The following LARP4 variants were observed in gnomAD, a reference collection of about 807,000 sequenced individuals.
LARP4 encodes the protein La ribonucleoprotein 4, also known as la-related protein 4.
A neutral mutation model predicts 92.9 loss-of-function variants in LARP4; 29 were observed. The observed-to-expected ratio is 0.31, with a 90% CI of 0.23 to 0.43. LARP4 has a LOEUF of 0.43. Ranked by LOEUF, LARP4 falls within the 20% of genes least tolerant of loss-of-function variation. The pLI, the probability that LARP4 is intolerant of heterozygous loss-of-function variation, is 1.00. For synonymous variants in LARP4, 279 were observed against 284.1 expected, an observed-to-expected ratio of 0.98 and a Z score of 0.18; for missense variants, 732 against 860.0, an observed-to-expected ratio of 0.85 and a Z score of 1.86.
At chr12:50,433,473 T>C (rs1415778244) in intron 4 of LARP4, among the ~76,000 whole-genome samples, 1 of 152,108 alleles carries the variant, frequency 6.6e-6, no homozygotes, top group East Asian at 1.9e-4. Flanking sequence ...AGATGTTATA[T>C]CCATTAATTT....
intron 8 of LARP4, among the ~76,000 whole-genome samples, chr12:50,446,556 G>C (rs1454637647): frequency 6.7e-6 from 1 of 148,534 alleles, no homozygotes; most frequent in Non-Finnish European, 1.5e-5. Flanking sequence ...AGCCTCCCGA[G>C]TAGCTGGTAC....
intron 4 of LARP4, among the ~76,000 whole-genome samples, chr12:50,433,059 A>G (rs918604788): frequency 2.0e-5 from 3 of 152,056 alleles, no homozygotes; most frequent in Non-Finnish European, 4.4e-5. Flanking sequence ...GGTGGCTCCC[A>G]TAATTTCCAT....
chr12:50,463,230 A>G (rs1431242387), intron 12 of LARP4, among the ~76,000 whole-genome samples: 1 of 150,922 alleles, frequency 6.6e-6, no homozygotes, highest in African/African-American at 2.4e-5. Context: ...ACTTGAGGCT[A>G]CAGGCCCCAT....
intron 13 of LARP4, among the ~76,000 whole-genome samples, chr12:50,467,519 T>C (rs544421556): frequency 4.4e-4 from 67 of 152,212 alleles, no homozygotes; most frequent in Admixed American, 1.4e-3. Context: ...GCCAGGCTGG[T>C]CTCCAGCTCC....
chr12:50,468,062 C>T (rs1484987430), intron 13 of LARP4, among the ~76,000 whole-genome samples: 1 of 151,986 alleles, frequency 6.6e-6, no homozygotes, highest in African/African-American at 2.4e-5. Flanking sequence ...TCACTGCAAC[C>T]TCCACCTCCC....
chr12:50,461,374 T>C, intron 11 of LARP4, 27 bp downstream of exon 11: 1 of 1,583,050 alleles, frequency 6.3e-7, no homozygotes, highest in Non-Finnish European at 8.7e-7. Context: ...CCTGAAAACC[T>C]TTGATAATAA....
At chr12:50,409,288 C>T (rs1055158910) in intron 1 of LARP4, among the ~76,000 whole-genome samples, 1 of 152,092 alleles carries the variant, frequency 6.6e-6, no homozygotes, top group Non-Finnish European at 1.5e-5. Context: ...TCTCTGCTTC[C>T]TTATCTGTAA....
At position 50,475,793 on chromosome 12, in the gene LARP4, A is replaced by AG; in HGVS notation, c.2107dup (p.Ala703GlyfsTer10). 1 of 1,614,190 alleles carries AG rather than the reference A, an allele frequency of 6.2e-7. No individual in the cohort carries two copies. Among genetic ancestry groups the AG allele is most frequent in the Non-Finnish European group, 8.5e-7 (1 of 1,180,028 alleles). On this transcript the variant is annotated frameshift_variant, in exon 16 of 16. Coordinates refer to ENST00000398473, the MANE Select transcript of LARP4 (RefSeq NM_052879.5). LOFTEE classifies it high-confidence loss of function. Reference sequence around the variant, plus strand: ...GGAACAGAGACGCCAGTTTAGCCATAGGGCTATACCTCAGGGAGTGACTCG... The same window carrying AG: ...GGAACAGAGACGCCAGTTTAGCCATAGGGGCTATACCTCAGGGAGTGACTCG...
intron 1 of LARP4, among the ~76,000 whole-genome samples, chr12:50,414,701 A>G (rs1592808208): frequency 6.6e-6 from 1 of 152,226 alleles, no homozygotes; most frequent in South Asian, 2.1e-4. Flanking sequence ...TCACTGAACA[A>G]TATGCATTGG....
intron 1 of LARP4, among the ~76,000 whole-genome samples, chr12:50,421,992 T>C (rs536486663): frequency 6.6e-6 from 1 of 150,782 alleles, no homozygotes; most frequent in African/African-American, 2.4e-5. Flanking sequence ...TTTTTTGAGA[T>C]GGAGTCTTGC....
chr12:50,411,488 C>T (rs1323503532), intron 1 of LARP4, among the ~76,000 whole-genome samples: 1 of 151,492 alleles, frequency 6.6e-6, no homozygotes, highest in Non-Finnish European at 1.5e-5. Context: ...TGATTACAGA[C>T]GTGCACCACC....
At chr12:50,461,435 A>T in intron 11 of LARP4, 88 bp downstream of exon 11, 1 of 1,187,692 alleles carries the variant, frequency 8.4e-7, no homozygotes, top group African/African-American at 1.5e-5. Context: ...TAATTAAATG[A>T]GCATTTAATT....
rs1465536276 is a variant in LARP4, at chr12:50,478,406, T to G, written c.*2542T>G. On this transcript the variant is annotated 3_prime_UTR_variant, in exon 16 of 16. Transcript: ENST00000398473. ...TATTTTATTACAGCAGATTTAAAGT[T>G]TGTATCTAAATAATGCCTATGAGTT... 6.6e-6 allele frequency: 1 copy of G among 152,050 alleles called. No homozygotes were observed. The highest frequency in any genetic ancestry group is 2.4e-5 in the African/African-American group (1 of 41,428). 9.4% of individuals were successfully genotyped at this position (152,050 alleles called of 1,614,324 possible).
At chr12:50,471,198 G>A (rs2139090752) in intron 13 of LARP4, among the ~76,000 whole-genome samples, 1 of 152,228 alleles carries the variant, frequency 6.6e-6, no homozygotes, top group African/African-American at 2.4e-5. Flanking sequence ...ACCAAAACAA[G>A]TTGAAGGCTG....
chr12:50,435,622 G>T lies in LARP4; in HGVS notation c.533G>T (p.Arg178Ile). ...TDPDLILEVL[R>I]SSPMVQVDEK... ...CCTGATCTAATTCTTGAAGTGTTAAGATGTATGTAAAAATACCTTTTAGCT... is the reference window on the plus strand; with the variant it reads ...CCTGATCTAATTCTTGAAGTGTTAATATGTATGTAAAAATACCTTTTAGCT... Residue 178 changes from arginine to isoleucine, a missense_variant and splice_region_variant, in exon 5 of 16, where the codon AGA (arginine) becomes ATA (isoleucine). Physicochemically the swap from Arg to Ile is moderately conservative, Grantham distance 97. Transcript: ENST00000398473. The T allele has an allele frequency of 6.4e-7, 1 of 1,573,976 alleles. No homozygotes were observed. Among genetic ancestry groups the T allele is most frequent in the Non-Finnish European group, 8.6e-7 (1 of 1,163,206 alleles).
At chr12:50,442,275 T>C (rs1185658771) in intron 8 of LARP4, among the ~76,000 whole-genome samples, 1 of 152,184 alleles carries the variant, frequency 6.6e-6, no homozygotes, top group African/African-American at 2.4e-5. Context: ...TCACAGTACT[T>C]TCAACCTCAT....
intron 1 of LARP4, among the ~76,000 whole-genome samples, chr12:50,426,513 T>C (rs1358674133): frequency 6.6e-6 from 1 of 152,034 alleles, no homozygotes; most frequent in African/African-American, 2.4e-5. Flanking sequence ...TGTAGAGAAT[T>C]TTGAAACAAT....
chr12:50,450,451 G>A (rs1217842654), intron 8 of LARP4, among the ~76,000 whole-genome samples: 1 of 152,110 alleles, frequency 6.6e-6, no homozygotes, highest in Non-Finnish European at 1.5e-5. Flanking sequence ...GAGCTGTTTA[G>A]TTTTTATGTT....
chr12:50,444,993 T>C (rs1401906816), intron 8 of LARP4, among the ~76,000 whole-genome samples: 2 of 152,128 alleles, frequency 1.3e-5, no homozygotes, highest in Admixed American at 1.3e-4. Context: ...CATTGCAGCC[T>C]CCTCTTGCCT....
Sources: gnomAD v4.1 joint callset for allele counts (sites outside exome capture counted in the v4.1 genomes callset) on GRCh38, gnomAD v4.1.1 for gene constraint, MANE v1.5 for transcripts, NCBI Gene and HGNC (gene_info 2026-07-23, HGNC 2026-07-21) for gene names.